TRPC4: variants seen among roughly 807,000 people sequenced by gnomAD.
TRPC4 encodes short transient receptor potential channel 4.
A neutral mutation model predicts 99.4 loss-of-function variants in TRPC4; 49 were observed. The observed-to-expected ratio is 0.49, with a 90% CI of 0.39 to 0.63. The LOEUF (loss-of-function observed/expected upper bound fraction) is 0.63, where lower values mean the gene tolerates loss of function less well. Ranked by LOEUF, TRPC4 falls within the 20% of genes least tolerant of loss-of-function variation. TRPC4 has a pLI of 0.00. For synonymous variants in TRPC4, 454 were observed against 425.9 expected, an observed-to-expected ratio of 1.07 and a Z score of -0.81; for missense variants, 898 against 1,152.9, an observed-to-expected ratio of 0.78 and a Z score of 3.20.
At chr13:37,753,659 C>A (rs1956014421) in intron 2 of TRPC4, among the ~76,000 whole-genome samples, 1 of 151,598 alleles carries the variant, frequency 6.6e-6, no homozygotes, top group South Asian at 2.1e-4. Context: ...TTAAAGCAAA[C>A]ATATCAGAGA....
At chr13:37,780,020 A>G (rs1332488356) in intron 2 of TRPC4, among the ~76,000 whole-genome samples, 1 of 151,910 alleles carries the variant, frequency 6.6e-6, no homozygotes, top group Non-Finnish European at 1.5e-5. Context: ...TCTTTTCTGT[A>G]TTCACAATCG....
At chr13:37,727,186 A>T (rs1181645328) in intron 3 of TRPC4, among the ~76,000 whole-genome samples, 1 of 152,128 alleles carries the variant, frequency 6.6e-6, no homozygotes, top group Admixed American at 6.6e-5. Flanking sequence ...GTTAGGTCAC[A>T]AATTAATTCT....
At chr13:37,761,402 T>C (rs1463950781) in intron 2 of TRPC4, among the ~76,000 whole-genome samples, 1 of 151,900 alleles carries the variant, frequency 6.6e-6, no homozygotes, top group East Asian at 1.9e-4. Context: ...TGTTATGTCT[T>C]CTAGGTAAGG....
chr13:37,687,951 G>T (rs1445402801), intron 4 of TRPC4, among the ~76,000 whole-genome samples: 3 of 152,188 alleles, frequency 2.0e-5, no homozygotes, highest in Non-Finnish European at 4.4e-5. Flanking sequence ...CTCATCTATT[G>T]AGAGTTCTAA....
chr13:37,835,503 T>C (rs1476059246), intron 1 of TRPC4, among the ~76,000 whole-genome samples: 1 of 152,206 alleles, frequency 6.6e-6, no homozygotes, highest in African/African-American at 2.4e-5. Flanking sequence ...TTCTTGCATA[T>C]CCTGTCACAT....
At chr13:37,688,929 G>T (rs960852841) in intron 4 of TRPC4, among the ~76,000 whole-genome samples, 5 of 152,158 alleles carry the variant, frequency 3.3e-5, no homozygotes, top group African/African-American at 1.2e-4. Context: ...TCTGCTAAGG[G>T]ACTCATGGCC....
intron 3 of TRPC4, among the ~76,000 whole-genome samples, chr13:37,711,005 ATCT>A (rs1191290910): frequency 7.2e-5 from 11 of 152,004 alleles, no homozygotes; most frequent in African/African-American, 2.2e-4. Flanking sequence ...TCATTAAAAA[ATCT>A]TCTTCACAAA....
chr13:37,784,455 AG>A (rs1956921365), intron 1 of TRPC4, among the ~76,000 whole-genome samples: 1 of 152,138 alleles, frequency 6.6e-6, no homozygotes, highest in South Asian at 2.1e-4. Context: ...AGAGATTCAT[AG>A]AAAAAAAGTA....
intron 2 of TRPC4, among the ~76,000 whole-genome samples, chr13:37,760,534 A>G (rs1956195875): frequency 1.3e-5 from 2 of 151,924 alleles, no homozygotes; most frequent in South Asian, 2.1e-4. Flanking sequence ...GGATGAGTGC[A>G]TACTCCACAA....
At chr13:37,819,588 CA>C (rs1957957500) in intron 1 of TRPC4, among the ~76,000 whole-genome samples, 1 of 151,914 alleles carries the variant, frequency 6.6e-6, no homozygotes, top group African/African-American at 2.4e-5. Context: ...TCAAATTTTG[CA>C]TGTTCTCATT....
At chr13:37,646,124 T>C (rs1201842748) in intron 8 of TRPC4, among the ~76,000 whole-genome samples, 1 of 152,244 alleles carries the variant, frequency 6.6e-6, no homozygotes, top group East Asian at 1.9e-4. Flanking sequence ...GTTGCTAATC[T>C]ATTCACAGTT....
intron 1 of TRPC4, among the ~76,000 whole-genome samples, chr13:37,838,430 A>G (rs1284820295): frequency 6.6e-6 from 1 of 152,212 alleles, no homozygotes; most frequent in Non-Finnish European, 1.5e-5. Flanking sequence ...ATAAAAACAG[A>G]CACACTGAAG....
intron 1 of TRPC4, among the ~76,000 whole-genome samples, chr13:37,839,502 A>G (rs1958671671): frequency 6.6e-6 from 1 of 152,170 alleles, no homozygotes; most frequent in African/African-American, 2.4e-5. Context: ...ACCACCTGAG[A>G]GCTTTAACTC....
Position 37,783,245 on chromosome 13 carries a change from G to T in TRPC4, c.89C>A (p.Ser30Ter), listed in dbSNP as rs145847458. The change falls in exon 2 of 11, where the codon TCG (serine) becomes TAG (stop). Residue 30 changes from serine to a stop codon, truncating the protein, a stop_gained. Coordinates refer to ENST00000379705, the MANE Select transcript of TRPC4 (RefSeq NM_016179.4). LOFTEE classifies it high-confidence loss of function. ...ATTCAAGTAGGCTTTTTCTGATGGC[G>T]AGAGTTCTGATTCTGCTCTTACTAT... Reference protein sequence around the residue: ...LRIVRAESELSPSEKAYLNAV... With the variant: ...LRIVRAESEL 2 of 1,613,494 alleles carry T rather than the reference G, an allele frequency of 1.2e-6. No homozygotes were observed. The highest frequency in any genetic ancestry group is 1.3e-5 in the African/African-American group (1 of 74,886).
In TRPC4 at chr13:37,745,482, A is replaced by ATG. The variant is rs1566138464; in HGVS notation, c.897+454_897+455insCA. ...TATATATATATATATATACACACAC[A>ATG]CACACACTTATATATACGTATATAT... is the stretch of plus-strand genomic sequence containing the variant. On this transcript the variant is annotated intron_variant, in intron 3 of 10. Transcript: ENST00000379705. Among the ~76,000 whole-genome samples, 21 of 133,760 alleles carry ATG rather than the reference A, an allele frequency of 1.6e-4. 1 individual carries two copies. The highest frequency in any genetic ancestry group is 4.7e-4 in the South Asian group (2 of 4,272). 87.8% of individuals were successfully genotyped at this position (133,760 alleles called of 152,430 possible).
chr13:37,632,401 A>T lies in TRPC4; in HGVS notation c.*4502T>A, dbSNP rs1212429845. On this transcript the variant is annotated 3_prime_UTR_variant, in exon 11 of 11. Coordinates refer to ENST00000379705, the MANE Select transcript of TRPC4 (RefSeq NM_016179.4). ...ATGAGCTAGTTTACATTATTTTCAT[A>T]CTGTCCTAGAAATCTGGTGTGTGTT... Among the ~76,000 whole-genome samples the T allele has an allele frequency of 6.6e-6, 1 of 152,216 alleles. No homozygotes were observed. Among genetic ancestry groups the T allele is most frequent in the Non-Finnish European group, 1.5e-5 (1 of 68,032 alleles).
chr13:37,725,223 A>G (rs1214787087), intron 3 of TRPC4, among the ~76,000 whole-genome samples: 1 of 152,144 alleles, frequency 6.6e-6, no homozygotes, highest in Non-Finnish European at 1.5e-5. Context: ...AAAGAAGATG[A>G]ACAGAGTCTA....
chr13:37,813,054 A>G (rs1957749944), intron 1 of TRPC4, among the ~76,000 whole-genome samples: 2 of 152,036 alleles, frequency 1.3e-5, no homozygotes, highest in Non-Finnish European at 2.9e-5. Flanking sequence ...TTTCCAAACA[A>G]AGGCTAACCA....
chr13:37,646,299 C>T (rs939392049), intron 8 of TRPC4, among the ~76,000 whole-genome samples: 10 of 152,096 alleles, frequency 6.6e-5, no homozygotes, highest in East Asian at 3.9e-4. Context: ...AACCAAAAAG[C>T]GGAAAACATA....
Sources: gnomAD v4.1 joint callset for allele counts (sites outside exome capture counted in the v4.1 genomes callset) on GRCh38, gnomAD v4.1.1 for gene constraint, MANE v1.5 for transcripts, NCBI Gene and HGNC (gene_info 2026-07-23, HGNC 2026-07-21) for gene names.